The following VRK2 variants were observed in gnomAD, a reference collection of about 807,000 sequenced individuals.
VRK2 encodes VRK serine/threonine kinase 2, also known as serine/threonine-protein kinase VRK2.
Under a neutral mutation model 57.6 loss-of-function variants are expected in VRK2, and 60 were observed. The observed-to-expected ratio is 1.04, with a 90% CI of 0.85 to 1.29. VRK2 has a LOEUF of 1.29. Among genes scored for constraint, VRK2 ranks in the 50% most tolerant of loss-of-function variants. The pLI, the probability that VRK2 is intolerant of heterozygous loss-of-function variation, is 0.00. For synonymous variants in VRK2, 231 were observed against 199.2 expected (o/e 1.16, Z -1.35); for missense variants, 705 against 588.1 (o/e 1.20, Z -2.06).
intron 1 of VRK2, among the ~76,000 whole-genome samples, chr2:57,982,140 C>G (rs552906265): frequency 3.3e-5 from 5 of 152,198 alleles, no homozygotes; most frequent in Admixed American, 6.5e-5. Flanking sequence ...ATTCTGGATG[C>G]TTTCAGGGGC....
At chr2:58,018,395 T>C (rs1673650899) in intron 1 of VRK2, among the ~76,000 whole-genome samples, 1 of 152,236 alleles carries the variant, frequency 6.6e-6, no homozygotes, top group South Asian at 2.1e-4. Flanking sequence ...TTGTTAATTC[T>C]AAAAGTTTCA....
At chr2:58,043,971 A>G (rs980060317), upstream of VRK2, among the ~76,000 whole-genome samples, 1 of 152,198 alleles carries the variant, frequency 6.6e-6, no homozygotes, top group Non-Finnish European at 1.5e-5. Flanking sequence ...TAAATTTTTT[A>G]TACTTTATAA....
intron 1 of VRK2, among the ~76,000 whole-genome samples, chr2:58,009,907 T>A (rs1673367085): frequency 6.6e-6 from 1 of 152,034 alleles, no homozygotes; most frequent in Non-Finnish European, 1.5e-5. Flanking sequence ...GGCCTATAGG[T>A]TGTAAATTGA....
At chr2:58,087,764 G>A (rs538821528) in intron 5 of VRK2, among the ~76,000 whole-genome samples, 3 of 152,226 alleles carry the variant, frequency 2.0e-5, no homozygotes, top group South Asian at 4.1e-4. Flanking sequence ...TAAGGCAGGC[G>A]GATCATGAGG....
At chr2:57,923,934 T>C (rs1188442818) in intron 1 of VRK2, among the ~76,000 whole-genome samples, 1 of 152,092 alleles carries the variant, frequency 6.6e-6, no homozygotes, top group South Asian at 2.1e-4. Context: ...TTCGTTCTTA[T>C]GCGTATGGAT....
At chr2:58,034,983 T>C (rs1226668054) in intron 3 of VRK2, among the ~76,000 whole-genome samples, 1 of 152,022 alleles carries the variant, frequency 6.6e-6, no homozygotes, top group East Asian at 1.9e-4. Context: ...GATGACATGA[T>C]GCCTGAGATT....
intron 1 of VRK2, among the ~76,000 whole-genome samples, chr2:57,960,224 T>A (rs748771577): frequency 4.5e-4 from 68 of 152,180 alleles, no homozygotes; most frequent in Admixed American, 1.0e-3. Flanking sequence ...CAGATCTGAA[T>A]ATATTTTTAC....
intron 1 of VRK2, among the ~76,000 whole-genome samples, chr2:57,964,283 ATAT>A (rs752687771): frequency 2.2e-4 from 34 of 152,326 alleles, no homozygotes; most frequent in Non-Finnish European, 4.1e-4. Context: ...GAAAAGAAAA[ATAT>A]TATTAAGAAA....
At chr2:58,157,791 T>C (rs530576261) in intron 12 of VRK2, among the ~76,000 whole-genome samples, 1 of 152,362 alleles carries the variant, frequency 6.6e-6, no homozygotes, top group East Asian at 1.9e-4. Flanking sequence ...TTCAGTTTAC[T>C]TTCCATACAG....
chr2:58,046,949 G>A (rs1306413251), intron 1 of VRK2, 81 bp downstream of exon 1: 3 of 985,556 alleles, frequency 3.0e-6, no homozygotes, highest in East Asian at 2.3e-4. Context: ...GCTCGGAAAA[G>A]GGCTGCCGTC....
At chr2:57,924,378 T>G (rs1056731955) in intron 1 of VRK2, among the ~76,000 whole-genome samples, 1 of 152,078 alleles carries the variant, frequency 6.6e-6, no homozygotes, top group Non-Finnish European at 1.5e-5. Context: ...TCCATTTTTT[T>G]GTGTGTCTTC....
chr2:57,936,080 A>G (rs1670894632), intron 1 of VRK2, among the ~76,000 whole-genome samples: 1 of 152,162 alleles, frequency 6.6e-6, no homozygotes, highest in African/African-American at 2.4e-5. Flanking sequence ...CATCATCTTT[A>G]TTAATGTTGC....
intron 2 of VRK2, among the ~76,000 whole-genome samples, chr2:58,064,974 T>C (rs1668422345): frequency 6.6e-6 from 1 of 152,134 alleles, no homozygotes. Flanking sequence ...CATTTCTGCA[T>C]ATTCAGTTTG....
rs990917610 is a variant in VRK2 at position 58,041,040 on chromosome 2, C to A, written c.-6+7487C>A. On this transcript the variant is annotated intron_variant, in intron 3 of 15. Coordinates refer to the VRK2 transcript ENST00000417641. ...CTCCTCTTCTCCTCCTTATCCAGCTCATGTTTTTGGTTACTGCAGGGATGT... is the reference window on the plus strand; with the variant it reads ...CTCCTCTTCTCCTCCTTATCCAGCTAATGTTTTTGGTTACTGCAGGGATGT... The A allele has an allele frequency of 7.1e-6, 7 of 985,062 alleles. No homozygotes were observed. The African/African-American group carries it at 1.0e-4, about 15-fold the overall frequency. The allele number at this position is 985,062 out of a possible 1,614,324, so 61.0% of individuals were successfully genotyped here. A position where few individuals can be genotyped will look rare whatever the true frequency, so the allele number is the denominator to read the frequency against.
chr2:58,048,534 C>T (rs1311135106), intron 1 of VRK2: 7 of 1,355,304 alleles, frequency 5.2e-6, no homozygotes, highest in African/African-American at 1.5e-5. Flanking sequence ...AAGGTGTGTC[C>T]TGCACTGTTA....
At chr2:58,103,262 TTAAA>T in intron 7 of VRK2, among the ~76,000 whole-genome samples, 1 of 150,638 alleles carries the variant, frequency 6.6e-6, no homozygotes, top group Non-Finnish European at 1.5e-5. Context: ...AGACCAAAAA[TTAAA>T]TAAATAAATA....
chr2:58,032,792 A>C (rs1674156511), intron 2 of VRK2, among the ~76,000 whole-genome samples: 2 of 152,110 alleles, frequency 1.3e-5, no homozygotes, highest in Non-Finnish European at 2.9e-5. Flanking sequence ...GCTAATGTGC[A>C]AGTGGGACAT....
At chr2:57,914,902 C>T (rs1033704441) in intron 1 of VRK2, among the ~76,000 whole-genome samples, 1 of 152,020 alleles carries the variant, frequency 6.6e-6, no homozygotes, top group Non-Finnish European at 1.5e-5. Context: ...CATTTAAATA[C>T]ATTACTACTC....
At chr2:57,948,458 G>A (rs1671326662) in intron 1 of VRK2, among the ~76,000 whole-genome samples, 1 of 152,110 alleles carries the variant, frequency 6.6e-6, no homozygotes, top group Non-Finnish European at 1.5e-5. Flanking sequence ...ATTTTTAGCT[G>A]TATCCAGTTC....
Sources: gnomAD v4.1 joint callset for allele counts (sites outside exome capture counted in the v4.1 genomes callset) on GRCh38, gnomAD v4.1.1 for gene constraint, MANE v1.5 for transcripts, NCBI Gene and HGNC (gene_info 2026-07-23, HGNC 2026-07-21) for gene names.